AFAP1: variants seen among roughly 807,000 people sequenced by gnomAD.
AFAP1 encodes the protein actin filament-associated protein 1.
A neutral mutation model predicts 93.9 loss-of-function variants in AFAP1; 75 were observed. That is an observed-to-expected ratio of 0.80 (90% CI 0.66 to 0.97). AFAP1 has a LOEUF of 0.97. AFAP1 is among the 50% of genes least tolerant of loss of function. The pLI is 0.00. For missense variants in AFAP1, 1,201 were observed against 1,050.8 expected, an observed-to-expected ratio of 1.14 and a Z score of -1.98; for synonymous variants, 517 against 430.7, an observed-to-expected ratio of 1.20 and a Z score of -2.48.
At position 7,933,012 on chromosome 4, in the gene AFAP1, T is replaced by A. The variant is rs1435371225; in HGVS notation, c.-3+6644A>T. On this transcript the variant is annotated intron_variant, in intron 1 of 17. Transcript: ENST00000420658. ...TCCAGCCTGGGCAACAGAGTGAGAC[T>A]CCCTCTCAAAAAAAAAAAAAAAAAA... Among the ~76,000 whole-genome samples the A allele has an allele frequency of 1.3e-4, 6 of 46,054 alleles. No homozygotes were observed. The East Asian group carries it at 2.9e-3, about 22-fold the overall frequency. 30.2% of individuals were successfully genotyped at this position (46,054 alleles called of 152,430 possible). A position where few individuals can be genotyped will look rare whatever the true frequency, so the allele number is the denominator to read the frequency against.
chr4:7,794,285 C>A (rs1216608634), intron 10 of AFAP1, among the ~76,000 whole-genome samples: 1 of 152,110 alleles, frequency 6.6e-6, no homozygotes, highest in Admixed American at 6.5e-5. Flanking sequence ...CCTGGGTGAG[C>A]CCCCCTACAT....
intron 11 of AFAP1, among the ~76,000 whole-genome samples, chr4:7,786,561 G>A (rs1384354399): frequency 2.0e-5 from 3 of 152,212 alleles, no homozygotes; most frequent in Non-Finnish European, 4.4e-5. Context: ...GGTACACGCA[G>A]CAAAGCCTGC....
At chr4:7,854,767 G>T (rs1714860789) in intron 4 of AFAP1, among the ~76,000 whole-genome samples, 1 of 152,108 alleles carries the variant, frequency 6.6e-6, no homozygotes, top group African/African-American at 2.4e-5. Flanking sequence ...CATACATTCA[G>T]GTATTCAACT....
chr4:7,926,340 G>A (rs941663945), intron 1 of AFAP1, among the ~76,000 whole-genome samples: 4 of 152,114 alleles, frequency 2.6e-5, no homozygotes, highest in Admixed American at 1.3e-4. Context: ...AATCCGTAAC[G>A]CAGTTATCAG....
chr4:7,795,381 C>T (rs1246620932), intron 10 of AFAP1, among the ~76,000 whole-genome samples: 1 of 109,084 alleles, frequency 9.2e-6, no homozygotes, highest in Non-Finnish European at 1.9e-5. Context: ...CTTCACAGGT[C>T]TTATGTCCTT....
chr4:7,893,710 T>C (rs1718608005), intron 1 of AFAP1, among the ~76,000 whole-genome samples: 1 of 152,104 alleles, frequency 6.6e-6, no homozygotes, highest in South Asian at 2.1e-4. Flanking sequence ...CCGGGGGTTC[T>C]TGTTAAAGGC....
At chr4:7,860,271 G>A (rs1314856015) in intron 3 of AFAP1, among the ~76,000 whole-genome samples, 1 of 151,754 alleles carries the variant, frequency 6.6e-6, no homozygotes, top group East Asian at 2.0e-4. Context: ...GATTTTGTGT[G>A]TGTGTGTGTA....
intron 4 of AFAP1, among the ~76,000 whole-genome samples, chr4:7,846,972 T>C (rs1398112872): frequency 6.6e-6 from 1 of 152,232 alleles, no homozygotes; most frequent in Non-Finnish European, 1.5e-5. Context: ...AGCCCTTTCA[T>C]CCTTGGGAAT....
intron 16 of AFAP1, 30 bp downstream of exon 16, chr4:7,772,790 G>T (rs199825097): frequency 1.2e-6 from 2 of 1,602,856 alleles, no homozygotes; most frequent in South Asian, 2.2e-5. Flanking sequence ...GGCCGCGCCA[G>T]CCTCCGAGGT....
At chr4:7,799,013 C>T in intron 10 of AFAP1, 1 of 986,154 alleles carries the variant, frequency 1.0e-6, no homozygotes, top group Non-Finnish European at 1.2e-6. Context: ...TTTAAGTTTT[C>T]AGCTTTTTTC....
chr4:7,869,081 AAAAGAG>A (rs1716771746), intron 2 of AFAP1, among the ~76,000 whole-genome samples: 1 of 151,808 alleles, frequency 6.6e-6, no homozygotes, highest in African/African-American at 2.4e-5. Flanking sequence ...AAGAAAAAAG[AAAAGAG>A]AAAGAAAAAG....
rs151180847 is a variant in AFAP1 at position 7,843,734 on chromosome 4, C to T, written c.335-384G>A. 380 of 187,970 alleles carry T rather than the reference C, an allele frequency of 2.0e-3. 2 individuals are homozygous for T. Among genetic ancestry groups the T allele is most frequent in the African/African-American group, 8.5e-3 (361 of 42,264 alleles). The allele number at this position is 187,970 out of a possible 1,614,324, so 11.6% of individuals were successfully genotyped here. On this transcript the variant is annotated intron_variant, in intron 4 of 17. Coordinates refer to ENST00000420658, the MANE Select transcript of AFAP1 (RefSeq NM_001134647.2). ...CCCATGGAGGTCCCTTGCCCTCCCA[C>T]GTCCGCACCTTTATGTCAAAGACCT... is the stretch of plus-strand genomic sequence containing the variant.
intron 1 of AFAP1, among the ~76,000 whole-genome samples, chr4:7,881,891 C>A (rs889733625): frequency 6.6e-6 from 1 of 152,180 alleles, no homozygotes; most frequent in Non-Finnish European, 1.5e-5. Context: ...AGTAGCCCCC[C>A]CAAATTATCT....
chr4:7,766,653 G>C (rs918911856), intron 17 of AFAP1, among the ~76,000 whole-genome samples: 1 of 151,860 alleles, frequency 6.6e-6, no homozygotes, highest in Non-Finnish European at 1.5e-5. Context: ...GAATCTCCAG[G>C]TGAATGTGTC....
chr4:7,915,596 T>C (rs1005547085), intron 1 of AFAP1, among the ~76,000 whole-genome samples: 1 of 152,276 alleles, frequency 6.6e-6, no homozygotes, highest in Non-Finnish European at 1.5e-5. Flanking sequence ...AGAGACAATC[T>C]GTGTTTAGTT....
intron 1 of AFAP1, among the ~76,000 whole-genome samples, chr4:7,934,129 T>C (rs1049667472): frequency 2.4e-4 from 37 of 152,280 alleles, no homozygotes; most frequent in Non-Finnish European, 4.6e-4. Flanking sequence ...ATACAGTGAA[T>C]TATAAATGGC....
Position 7,781,645 on chromosome 4 carries a change from T to C in AFAP1, c.1531-18A>G, listed in dbSNP as rs1240776292. The C allele has an allele frequency of 6.4e-7, 1 of 1,550,454 alleles. No homozygotes were observed. Among genetic ancestry groups the C allele is most frequent in the East Asian group, 2.4e-5 (1 of 40,874 alleles). On this transcript the variant is annotated intron_variant, in intron 12 of 17. Coordinates refer to ENST00000420658, the MANE Select transcript of AFAP1 (RefSeq NM_001134647.2). ...GGTTCCCACTGCAACACACATAGCTTTGTGGTTAGTGACTTGGACACAGGA... is the reference window on the plus strand; with the variant it reads ...GGTTCCCACTGCAACACACATAGCTCTGTGGTTAGTGACTTGGACACAGGA...
chr4:7,802,048 G>T (rs1719095654), intron 9 of AFAP1, among the ~76,000 whole-genome samples: 1 of 42,850 alleles, frequency 2.3e-5, no homozygotes, highest in Admixed American at 3.3e-4. Flanking sequence ...ATGCTATAAA[G>T]ACAAAAAAAG....
intron 1 of AFAP1, among the ~76,000 whole-genome samples, chr4:7,904,042 C>A (rs993792348): frequency 6.6e-6 from 1 of 151,460 alleles, no homozygotes; most frequent in African/African-American, 2.4e-5. Context: ...ACTGTGCTAA[C>A]AGATTTTTCC....
Sources: allele counts gnomAD v4.1 joint callset (sites outside exome capture counted in the v4.1 genomes callset), GRCh38; gene constraint gnomAD v4.1.1; transcripts MANE v1.5; gene names NCBI Gene and HGNC (gene_info 2026-07-23, HGNC 2026-07-21).